NIPAL2: variants seen among roughly 807,000 people sequenced by gnomAD.
NIPAL2 encodes the protein NIPA-like protein 2.
In NIPAL2, 43 loss-of-function variants were observed where a neutral mutation model predicts 48.9. The ratio of observed to expected loss-of-function variants is 0.88; its 90% CI spans 0.69 to 1.13. The LOEUF (loss-of-function observed/expected upper bound fraction) is 1.13. Ranked by LOEUF, NIPAL2 falls within the 50% of genes most tolerant of loss-of-function variation. NIPAL2 has a pLI of 0.00. For missense variants in NIPAL2, 446 were observed against 461.4 expected (o/e 0.97, Z 0.31); for synonymous variants, 167 against 174.6 (o/e 0.96, Z 0.34).
chr8:98,231,493 G>T (rs1476111050), intron 4 of NIPAL2, among the ~76,000 whole-genome samples: 2 of 152,004 alleles, frequency 1.3e-5, no homozygotes, highest in Non-Finnish European at 2.9e-5. Flanking sequence ...GACTCTATCT[G>T]GTCTTAAATC....
chr8:98,238,342 A>G (rs1812820733), intron 3 of NIPAL2, among the ~76,000 whole-genome samples: 2 of 152,354 alleles, frequency 1.3e-5, no homozygotes, highest in Non-Finnish European at 2.9e-5. Flanking sequence ...CAGTTAATAT[A>G]TTGGTGTTTT....
At chr8:98,203,275 G>A (rs1420185785) in intron 7 of NIPAL2, 79 bp from the exon 8 acceptor site, 6 of 1,011,830 alleles carry the variant, frequency 5.9e-6, no homozygotes, top group African/African-American at 3.2e-5. Context: ...CAAGAAACAC[G>A]TGTTCTTTAG....
intron 3 of NIPAL2, among the ~76,000 whole-genome samples, chr8:98,241,805 A>C (rs1023597424): frequency 6.7e-6 from 1 of 149,686 alleles, no homozygotes; most frequent in Middle Eastern, 3.2e-3. Flanking sequence ...TCTACTTATT[A>C]AGGGTTTGAC....
chr8:98,259,237 C>A (rs942306336), intron 1 of NIPAL2, among the ~76,000 whole-genome samples: 1 of 150,578 alleles, frequency 6.6e-6, no homozygotes, highest in Admixed American at 6.6e-5. Flanking sequence ...CCACCATGCC[C>A]GGCTAATTTT....
intron 5 of NIPAL2, among the ~76,000 whole-genome samples, chr8:98,222,208 T>A (rs1036594034): frequency 5.9e-5 from 9 of 152,224 alleles, no homozygotes; most frequent in South Asian, 4.1e-4. Flanking sequence ...AGGGAATGTT[T>A]TTTTTTACTC....
chr8:98,276,341 T>C (rs966700899), intron 1 of NIPAL2, among the ~76,000 whole-genome samples: 2 of 152,216 alleles, frequency 1.3e-5, no homozygotes, highest in Non-Finnish European at 2.9e-5. Context: ...TGGAATCATA[T>C]AGTATGTAGC....
chr8:98,198,706 C>A (rs185556855), intron 8 of NIPAL2, among the ~76,000 whole-genome samples: 79 of 152,328 alleles, frequency 5.2e-4, no homozygotes, highest in African/African-American at 1.8e-3. Flanking sequence ...ATCAACCAAC[C>A]TCTGATAGCT....
chr8:98,225,824 T>G (rs377245001), intron 4 of NIPAL2, among the ~76,000 whole-genome samples: 7 of 152,248 alleles, frequency 4.6e-5, no homozygotes, highest in African/African-American at 1.7e-4. Context: ...TCCCTCTACC[T>G]CCTCTTTAAG....
intron 1 of NIPAL2, among the ~76,000 whole-genome samples, chr8:98,275,834 C>A (rs1034256721): frequency 1.3e-5 from 2 of 152,176 alleles, no homozygotes; most frequent in Non-Finnish European, 2.9e-5. Flanking sequence ...GTTTTAACTA[C>A]AATCTTTCTT....
chr8:98,271,089 G>C (rs572662867), intron 1 of NIPAL2, among the ~76,000 whole-genome samples: 1 of 152,182 alleles, frequency 6.6e-6, no homozygotes, highest in African/African-American at 2.4e-5. Flanking sequence ...TGCTGTTTTT[G>C]TTATTATAGC....
At chr8:98,230,243 G>C (rs1812375077) in intron 4 of NIPAL2, among the ~76,000 whole-genome samples, 1 of 152,182 alleles carries the variant, frequency 6.6e-6, no homozygotes, top group African/African-American at 2.4e-5. Flanking sequence ...GCCATATGCA[G>C]CATCCTCATT....
At position 98,203,275 on chromosome 8, in the gene NIPAL2, G is replaced by T. The variant is rs1420185785; in HGVS notation, c.792-79C>A. ...AGTTAACAATAACTTCAAGAAACACGTGTTCTTTAGCTACAACTACAAAGG... is the reference window on the plus strand; with the variant it reads ...AGTTAACAATAACTTCAAGAAACACTTGTTCTTTAGCTACAACTACAAAGG... On this transcript the variant is annotated intron_variant, in intron 7 of 10. Transcript: ENST00000430223. 7 of 1,011,948 alleles carry T rather than the reference G, an allele frequency of 6.9e-6. No individual in the cohort carries two copies. In the East Asian group the frequency reaches 1.7e-4, roughly 24 times the overall value. The allele number at this position is 1,011,948 out of a possible 1,614,324, so 62.7% of individuals were successfully genotyped here. A position where few individuals can be genotyped will look rare whatever the true frequency, so the allele number is the denominator to read the frequency against.
In NIPAL2 at chr8:98,245,205, C is replaced by G. The variant is rs367882424; in HGVS notation, c.376+7258G>C. Among the ~76,000 whole-genome samples the G allele has an allele frequency of 5.9e-5, 9 of 152,342 alleles. No homozygotes were observed. The East Asian group carries it at 1.7e-3, about 29-fold the overall frequency. On this transcript the variant is annotated intron_variant, in intron 3 of 10. Transcript: ENST00000430223. Reference sequence around the variant, plus strand: ...AAAACACTTTCATGTCAGTCACAATCAAGCTCCAAACACGTGGACACATCG... The same window carrying G: ...AAAACACTTTCATGTCAGTCACAATGAAGCTCCAAACACGTGGACACATCG...
intron 4 of NIPAL2, among the ~76,000 whole-genome samples, chr8:98,232,662 G>A (rs1812494637): frequency 6.6e-6 from 1 of 152,120 alleles, no homozygotes; most frequent in African/African-American, 2.4e-5. Flanking sequence ...GTTACATAAG[G>A]TTCCTCTAGT....
At chr8:98,221,387 T>C (rs966644021) in intron 5 of NIPAL2, among the ~76,000 whole-genome samples, 10 of 151,714 alleles carry the variant, frequency 6.6e-5, no homozygotes, top group Non-Finnish European at 1.5e-4. Context: ...AATAAATCAC[T>C]TTAATCTTTT....
At chr8:98,193,518 A>G (rs2130676223) in intron 10 of NIPAL2, 2 of 1,171,394 alleles carry the variant, frequency 1.7e-6, no homozygotes, top group East Asian at 4.7e-5. Flanking sequence ...GAAATAAAAA[A>G]TAGAGTTAAA....
chr8:98,237,016 G>A (rs756917917), intron 3 of NIPAL2, among the ~76,000 whole-genome samples: 9 of 151,790 alleles, frequency 5.9e-5, no homozygotes, highest in Non-Finnish European at 1.3e-4. Context: ...TCTATTTGAC[G>A]ATCCACATCC....
chr8:98,292,394 T>C (rs1816532514), intron 1 of NIPAL2, among the ~76,000 whole-genome samples: 1 of 152,232 alleles, frequency 6.6e-6, no homozygotes, highest in African/African-American at 2.4e-5. Flanking sequence ...CACCATCTTA[T>C]AAGAGGGCCT....
At chr8:98,251,558 TTAAAG>T (rs1231876908) in intron 3 of NIPAL2, 4 of 152,212 alleles carry the variant, frequency 2.6e-5, no homozygotes, top group African/African-American at 9.6e-5. Context: ...TTAGACCTCA[TTAAAG>T]TATTTTAAAT....
Sources: allele counts gnomAD v4.1 joint callset (sites outside exome capture counted in the v4.1 genomes callset), GRCh38; gene constraint gnomAD v4.1.1; transcripts MANE v1.5; gene names NCBI Gene and HGNC (gene_info 2026-07-23, HGNC 2026-07-21).